RPGRIP1L: variants seen among roughly 807,000 people sequenced by gnomAD.
The protein encoded by RPGRIP1L is protein fantom.
RPGRIP1L carries 131 observed loss-of-function variants against 160.4 expected under a neutral mutation model. The ratio of observed to expected loss-of-function variants is 0.82; its 90% CI spans 0.71 to 0.94. The LOEUF (loss-of-function observed/expected upper bound fraction) is 0.94, where lower values mean the gene tolerates loss of function less well. Ranked by LOEUF, RPGRIP1L falls within the 40% of genes least tolerant of loss-of-function variation. The probability of loss-of-function intolerance (pLI) is 0.00; values close to 1 mark genes in which losing one functional copy is unlikely to be tolerated. For synonymous variants in RPGRIP1L, 510 were observed against 515.8 expected, an observed-to-expected ratio of 0.99 and a Z score of 0.15; for missense variants, 1,522 against 1,535.8, an observed-to-expected ratio of 0.99 and a Z score of 0.15.
Position 53,616,955 on chromosome 16 carries a change from C to T in RPGRIP1L, c.3616+2070G>A, listed in dbSNP as rs374157215. On this transcript the variant is annotated intron_variant, in intron 24 of 26. Transcript: ENST00000647211. ...GGTGTGGCTGCGTGTCCCTGTAATC[C>T]CAGCTACTTGGGGGGCTGAGGTGAA... Among the ~76,000 whole-genome samples, 15 of 151,358 alleles carry T rather than the reference C, an allele frequency of 9.9e-5. No homozygotes were observed. In the East Asian group the frequency reaches 1.9e-3, roughly 20 times the overall value.
intron 17 of RPGRIP1L, among the ~76,000 whole-genome samples, chr16:53,643,170 T>C (rs1461938000): frequency 6.6e-6 from 1 of 151,864 alleles, no homozygotes; most frequent in African/African-American, 2.4e-5. Context: ...TAGCCAGGTG[T>C]GGTGGCGGGT....
At chr16:53,697,695 G>A (rs1203073777) in intron 2 of RPGRIP1L, among the ~76,000 whole-genome samples, 3 of 152,058 alleles carry the variant, frequency 2.0e-5, no homozygotes, top group Non-Finnish European at 2.9e-5. Context: ...GTGCAGTGGC[G>A]TGATCTCGGC....
At chr16:53,698,482 A>G (rs370640118) in intron 2 of RPGRIP1L, among the ~76,000 whole-genome samples, 6,049 of 119,442 alleles carry the variant, frequency 0.051, 303 homozygotes, top group East Asian at 0.32. Context: ...CGCCCCGTCC[A>G]GGAGGGAGGT....
intron 10 of RPGRIP1L, among the ~76,000 whole-genome samples, chr16:53,662,958 G>GT (rs1350044273): frequency 2.0e-5 from 3 of 151,932 alleles, no homozygotes; most frequent in Non-Finnish European, 4.4e-5. Flanking sequence ...CTGGAAAACT[G>GT]TAACAGCCAT....
In RPGRIP1L at chr16:53,605,293, CA is replaced by C. The variant is rs952406725; in HGVS notation, c.3835+187del. 5.0e-5 allele frequency: 32 copies of C among 636,912 alleles called. No homozygotes were observed. The African/African-American group carries it at 5.1e-4, about 10-fold the overall frequency. The allele number at this position is 636,912 out of a possible 1,614,324, so 39.5% of individuals were successfully genotyped here. A position where few individuals can be genotyped will look rare whatever the true frequency, so the allele number is the denominator to read the frequency against. ...CAATTGCTGTTGATTCAAAGGAAAG[CA>C]GGGGGGAGGACAGGAAAAGGATATA... On this transcript the variant is annotated intron_variant, in intron 26 of 26. Transcript: ENST00000647211.
intron 6 of RPGRIP1L, among the ~76,000 whole-genome samples, chr16:53,681,817 C>T (rs1388308230): frequency 6.6e-6 from 1 of 152,180 alleles, no homozygotes; most frequent in African/African-American, 2.4e-5. Flanking sequence ...CAAGCACTGC[C>T]ACTCTGAAGA....
At chr16:53,648,625 C>CACACACACA (rs1966737254) in intron 16 of RPGRIP1L, among the ~76,000 whole-genome samples, 2 of 103,202 alleles carry the variant, frequency 1.9e-5, no homozygotes, top group Non-Finnish European at 3.7e-5. Flanking sequence ...CGCGCGCGCG[C>CACACACACA]GCACACACAC....
chr16:53,698,875 C>G (rs1371231932), intron 2 of RPGRIP1L, among the ~76,000 whole-genome samples: 2 of 151,566 alleles, frequency 1.3e-5, no homozygotes, highest in Admixed American at 1.3e-4. Flanking sequence ...GCCACCACCC[C>G]GTCTGGGAGG....
At chr16:53,660,755 T>C (rs1967718587) in intron 10 of RPGRIP1L, among the ~76,000 whole-genome samples, 1 of 151,378 alleles carries the variant, frequency 6.6e-6, no homozygotes, top group South Asian at 2.1e-4. Flanking sequence ...TAGCTGGGCA[T>C]GGTGGCACGT....
chr16:53,680,410 T>G (rs559628844), intron 6 of RPGRIP1L, among the ~76,000 whole-genome samples: 1 of 152,042 alleles, frequency 6.6e-6, no homozygotes, highest in East Asian at 1.9e-4. Context: ...AAATCCAAAC[T>G]GAGGGACATT....
chr16:53,653,788 C>G (rs1448124793), intron 14 of RPGRIP1L, among the ~76,000 whole-genome samples: 1 of 152,158 alleles, frequency 6.6e-6, no homozygotes, highest in African/African-American at 2.4e-5. Flanking sequence ...CATGAGTGAT[C>G]TCATCAACTT....
chr16:53,649,174 G>A, intron 15 of RPGRIP1L, 59 bp from the exon 16 acceptor site: 1 of 1,396,472 alleles, frequency 7.2e-7, no homozygotes, highest in Admixed American at 1.7e-5. Context: ...ATAGATAGCA[G>A]TAAAAATACA....
rs559978421 is a variant in RPGRIP1L at position 53,687,846 on chromosome 16, CA to C, written c.632+16del. 10,492 of 1,482,226 alleles carry C rather than the reference CA, an allele frequency of 7.1e-3. 50 individuals carry two copies. Among genetic ancestry groups the C allele is most frequent in the Non-Finnish European group, 9.1e-3 (9,708 of 1,061,110 alleles). The allele number at this position is 1,482,226 out of a possible 1,614,324, so 91.8% of individuals were successfully genotyped here. On this transcript the variant is annotated intron_variant, in intron 5 of 26. Transcript: ENST00000647211. ...AATAACCAAAGTTCTCAAATTACCA[CA>C]AAAAAGAACACATACAAATTTCTTA...
intron 23 of RPGRIP1L, among the ~76,000 whole-genome samples, chr16:53,621,710 T>C (rs563799764): frequency 6.6e-6 from 1 of 152,258 alleles, no homozygotes; most frequent in Admixed American, 6.5e-5. Context: ...TCTGGTTGTG[T>C]TCAAGCCCCT....
chr16:53,659,325 A>G, intron 10 of RPGRIP1L: 1 of 372,476 alleles, frequency 2.7e-6, no homozygotes, highest in Non-Finnish European at 3.8e-6. Context: ...TATTAAAACA[A>G]GGTAATTTCC....
intron 1 of RPGRIP1L, among the ~76,000 whole-genome samples, chr16:53,702,017 C>T (rs1044507789): frequency 4.6e-5 from 7 of 151,816 alleles, no homozygotes; most frequent in South Asian, 2.1e-4. Context: ...CACATAGGCC[C>T]GTGTATGAAA....
chr16:53,619,295 A>C, intron 23 of RPGRIP1L, 87 bp from the exon 24 acceptor site: 1 of 1,259,042 alleles, frequency 7.9e-7, no homozygotes, highest in South Asian at 1.2e-5. Flanking sequence ...ATCAATTTTA[A>C]ATAAAACACG....
At chr16:53,609,036 G>C (rs1409093045) in intron 25 of RPGRIP1L, among the ~76,000 whole-genome samples, 1 of 152,090 alleles carries the variant, frequency 6.6e-6, no homozygotes, top group Non-Finnish European at 1.5e-5. Context: ...TGTTTCTTTG[G>C]GGGGTGTTTG....
rs907042471 is a variant in RPGRIP1L at position 53,648,875 on chromosome 16, G to T, written c.2304+89C>A. On this transcript the variant is annotated intron_variant, in intron 16 of 26. Coordinates refer to ENST00000647211, the MANE Select transcript of RPGRIP1L (RefSeq NM_015272.5). The stretch of plus-strand genomic sequence containing the variant: ...TTAAAAAAAGACACTTGATGGCTGT[G>T]AAAATGATTTTAGTTTAAAGCACGA... 117 of 1,218,460 alleles carry T rather than the reference G, an allele frequency of 9.6e-5. 3 individuals are homozygous for T. In the South Asian group the frequency reaches 1.5e-3, roughly 15 times the overall value. 75.5% of individuals were successfully genotyped at this position (1,218,460 alleles called of 1,614,324 possible).
Sources: allele counts gnomAD v4.1 joint callset (sites outside exome capture counted in the v4.1 genomes callset), GRCh38; gene constraint gnomAD v4.1.1; transcripts MANE v1.5; gene names NCBI Gene and HGNC (gene_info 2026-07-23, HGNC 2026-07-21).